TRMT11: variants seen among roughly 807,000 people sequenced by gnomAD.
TRMT11 encodes tRNA methyltransferase 11, also known as tRNA (guanine(10)-N(2))-methyltransferase TRMT11.
TRMT11 carries 53 observed loss-of-function variants against 62.8 expected under a neutral mutation model. The ratio of observed to expected loss-of-function variants is 0.84; its 90% CI spans 0.68 to 1.06. TRMT11 has a LOEUF of 1.06. Ranked by LOEUF, TRMT11 falls within the 50% of genes least tolerant of loss-of-function variation. The pLI is 0.00. For synonymous variants in TRMT11, 188 were observed against 190.3 expected, an observed-to-expected ratio of 0.99 and a Z score of 0.10; for missense variants, 556 against 553.4, an observed-to-expected ratio of 1.00 and a Z score of -0.05.
chr6:126,071,399 AT>A (rs1776850977), intron 17 of TRMT11, among the ~76,000 whole-genome samples: 1 of 150,800 alleles, frequency 6.6e-6, no homozygotes, highest in Non-Finnish European at 1.5e-5. Context: ...AGTTTATGAC[AT>A]TTTTAGTAGA....
chr6:126,029,498 A>G (rs1773802799), intron 12 of TRMT11, among the ~76,000 whole-genome samples: 1 of 152,148 alleles, frequency 6.6e-6, no homozygotes, highest in South Asian at 2.1e-4. Context: ...CCTAAGCAAT[A>G]TAGGTTTGCC....
At chr6:126,167,116 G>T (rs1321955613) in intron 21 of TRMT11, among the ~76,000 whole-genome samples, 1 of 152,132 alleles carries the variant, frequency 6.6e-6, no homozygotes, top group Non-Finnish European at 1.5e-5. Flanking sequence ...CTTTCCAGGG[G>T]AGTGAATGGT....
At chr6:126,189,403 A>G (rs1331057930) in intron 1 of TRMT11, among the ~76,000 whole-genome samples, 1 of 152,166 alleles carries the variant, frequency 6.6e-6, no homozygotes. Context: ...CCAATTCTAA[A>G]GAAGGTTGGG....
the TRMT11 span, among the ~76,000 whole-genome samples, chr6:126,246,497 G>A: frequency 6.6e-6 from 1 of 152,208 alleles, no homozygotes; most frequent in Admixed American, 6.5e-5. Context: ...CCCAGAGGGA[G>A]ATGAGAGCTG....
At chr6:126,122,535 A>G (rs1395952989) in intron 21 of TRMT11, among the ~76,000 whole-genome samples, 1 of 152,174 alleles carries the variant, frequency 6.6e-6, no homozygotes, top group African/African-American at 2.4e-5. Context: ...ATTCTAGGAC[A>G]TAAGACTGCC....
chr6:126,043,516 G>A (rs1473304040), downstream of TRMT11, among the ~76,000 whole-genome samples: 7 of 149,594 alleles, frequency 4.7e-5, no homozygotes, highest in East Asian at 1.4e-3. Flanking sequence ...ATAAACATAC[G>A]TGTGCATGTG....
intron 16 of TRMT11, among the ~76,000 whole-genome samples, chr6:126,045,458 A>G (rs1220200685): frequency 6.6e-6 from 1 of 152,162 alleles, no homozygotes; most frequent in Non-Finnish European, 1.5e-5. Flanking sequence ...AATTGTTAGC[A>G]AGCATGTTGA....
intron 17 of TRMT11, among the ~76,000 whole-genome samples, chr6:126,099,859 A>G (rs1204392945): frequency 6.6e-6 from 1 of 152,178 alleles, no homozygotes; most frequent in African/African-American, 2.4e-5. Context: ...TGATTTTTGA[A>G]ACTGGAATGA....
At chr6:126,175,195 A>T (rs777739840), upstream of TRMT11, among the ~76,000 whole-genome samples, 2 of 152,186 alleles carry the variant, frequency 1.3e-5, no homozygotes, top group Non-Finnish European at 2.9e-5. Context: ...TATTCTTGTC[A>T]ATAATAGTTG....
the TRMT11 span, among the ~76,000 whole-genome samples, chr6:126,209,051 T>G: frequency 6.6e-6 from 1 of 152,230 alleles, no homozygotes; most frequent in Non-Finnish European, 1.5e-5. Flanking sequence ...TATACACTAA[T>G]GTTTATGGCC....
chr6:126,008,445 A>G lies in TRMT11; in HGVS notation c.733A>G (p.Ile245Val), dbSNP rs757984217. ...TGGTGCATATGTGTATGGGACAGAC[A>G]TAGACTACAACACAGTTCATGGCTT... The part of the protein sequence containing the change: ...HFGAYVYGTD[I>V]DYNTVHGLGK... Residue 245 changes from isoleucine to valine, a missense_variant, in exon 8 of 13, where the codon ATA becomes GTA. Physicochemically the swap from Ile to Val is conservative, Grantham distance 29. Coordinates refer to ENST00000334379, the MANE Select transcript of TRMT11 (RefSeq NM_001031712.3). 6.2e-7 allele frequency: 1 copy of G among 1,613,118 alleles called. No homozygotes were observed. The highest frequency in any genetic ancestry group is 1.1e-5 in the South Asian group (1 of 91,060).
At chr6:126,093,809 G>A (rs764895773) in intron 17 of TRMT11, among the ~76,000 whole-genome samples, 49 of 151,202 alleles carry the variant, frequency 3.2e-4, no homozygotes, top group Non-Finnish European at 5.9e-4. Flanking sequence ...TCTAAAACTA[G>A]TAAGTTAATT....
chr6:126,044,959 G>C (rs756575755), intron 16 of TRMT11, among the ~76,000 whole-genome samples: 1 of 152,132 alleles, frequency 6.6e-6, no homozygotes, highest in South Asian at 2.1e-4. Context: ...GCTGAGGCAG[G>C]TGGATCACCT....
chr6:126,214,287 T>A, the TRMT11 span, among the ~76,000 whole-genome samples: 4 of 152,084 alleles, frequency 2.6e-5, no homozygotes, highest in East Asian at 7.7e-4. Context: ...TCTCTACTTT[T>A]CAGAATAGTT....
intron 17 of TRMT11, among the ~76,000 whole-genome samples, chr6:126,098,937 A>T (rs1777367678): frequency 6.6e-6 from 1 of 152,178 alleles, no homozygotes; most frequent in Non-Finnish European, 1.5e-5. Context: ...ATTCAACAAG[A>T]TCCATTAACT....
chr6:125,991,954 G>A (rs1790704414), intron 1 of TRMT11, among the ~76,000 whole-genome samples: 1 of 152,134 alleles, frequency 6.6e-6, no homozygotes, highest in African/African-American at 2.4e-5. Flanking sequence ...AAAGCTCATG[G>A]AATTAACGCA....
At chr6:126,184,991 A>G in intron 1 of TRMT11, among the ~76,000 whole-genome samples, 1 of 152,184 alleles carries the variant, frequency 6.6e-6, no homozygotes, top group East Asian at 1.9e-4. Context: ...AAGTATATGT[A>G]ATATTAACAC....
downstream of TRMT11, among the ~76,000 whole-genome samples, chr6:126,208,663 C>T (rs575453004): frequency 1.4e-3 from 214 of 152,268 alleles, no homozygotes; most frequent in African/African-American, 4.7e-3. Flanking sequence ...ATGTTACATC[C>T]GTTATCTCAT....
At chr6:126,022,758 T>A (rs1796014947) in intron 12 of TRMT11, among the ~76,000 whole-genome samples, 1 of 152,226 alleles carries the variant, frequency 6.6e-6, no homozygotes, top group Non-Finnish European at 1.5e-5. Context: ...TACATCTATA[T>A]AAGTAGTTGA....
Sources: gnomAD v4.1 joint callset for allele counts (sites outside exome capture counted in the v4.1 genomes callset) on GRCh38, gnomAD v4.1.1 for gene constraint, MANE v1.5 for transcripts, NCBI Gene and HGNC (gene_info 2026-07-23, HGNC 2026-07-21) for gene names.